The following GRID2 variants were observed in gnomAD, a reference collection of about 807,000 sequenced individuals.
GRID2 encodes glutamate ionotropic receptor delta type subunit 2, also known as glutamate receptor ionotropic, delta-2.
GRID2 carries 33 observed loss-of-function variants against 114.8 expected under a neutral mutation model. The ratio of observed to expected loss-of-function variants is 0.29; its 90% CI spans 0.22 to 0.38. The LOEUF (loss-of-function observed/expected upper bound fraction) is 0.38. Among genes scored for constraint, GRID2 ranks in the 10% least tolerant of loss-of-function variants. The pLI, the probability that GRID2 is intolerant of heterozygous loss-of-function variation, is 1.00. For synonymous variants in GRID2, 505 were observed against 449.9 expected (o/e 1.12, Z -1.55); for missense variants, 1,184 against 1,257.7 (o/e 0.94, Z 0.89).
chr4:93,375,676 T>A (rs1454574690), intron 8 of GRID2, among the ~76,000 whole-genome samples: 1 of 152,178 alleles, frequency 6.6e-6, no homozygotes, highest in African/African-American at 2.4e-5. Flanking sequence ...GAGTTACACC[T>A]TTTTGGAGGA....
intron 12 of GRID2, among the ~76,000 whole-genome samples, chr4:93,510,315 A>G (rs1303487182): frequency 1.3e-5 from 2 of 152,182 alleles, no homozygotes; most frequent in Admixed American, 6.5e-5. Context: ...TTTTAATCTT[A>G]GAAGACAAAG....
chr4:93,752,040 T>C (rs1019147027), intron 14 of GRID2, among the ~76,000 whole-genome samples: 22 of 152,090 alleles, frequency 1.4e-4, no homozygotes, highest in African/African-American at 4.8e-4. Context: ...TTTGGACTTA[T>C]ACATTGTTCA....
chr4:92,970,536 A>G (rs1438773770), intron 2 of GRID2, among the ~76,000 whole-genome samples: 1 of 152,032 alleles, frequency 6.6e-6, no homozygotes, highest in Admixed American at 6.6e-5. Context: ...TATTTGACCT[A>G]TGTAGCTAAA....
At chr4:93,267,916 TC>T (rs1751030558) in intron 8 of GRID2, among the ~76,000 whole-genome samples, 1 of 152,158 alleles carries the variant, frequency 6.6e-6, no homozygotes. Context: ...TCATTCCTGC[TC>T]CGTCTCTCTG....
chr4:93,427,546 C>A (rs1466652358), intron 10 of GRID2, among the ~76,000 whole-genome samples: 4 of 151,938 alleles, frequency 2.6e-5, no homozygotes, highest in African/African-American at 9.7e-5. Context: ...CACGTACCAT[C>A]ACATTAAAGA....
chr4:93,307,405 TTC>T (rs1233592681), intron 8 of GRID2, among the ~76,000 whole-genome samples: 1 of 152,100 alleles, frequency 6.6e-6, no homozygotes, highest in African/African-American at 2.4e-5. Flanking sequence ...CATTTTTTTT[TTC>T]CTTTCTTACC....
chr4:92,715,295 T>G (rs2149313170), intron 2 of GRID2, among the ~76,000 whole-genome samples: 1 of 152,292 alleles, frequency 6.6e-6, no homozygotes, highest in East Asian at 1.9e-4. Flanking sequence ...GATTTCATTG[T>G]CCATATCATT....
chr4:92,330,383 G>A (rs886889105), intron 1 of GRID2, among the ~76,000 whole-genome samples: 6 of 152,010 alleles, frequency 3.9e-5, no homozygotes, highest in Non-Finnish European at 8.8e-5. Context: ...TGGATGGCTG[G>A]TTTTAGTAGT....
intron 2 of GRID2, among the ~76,000 whole-genome samples, chr4:92,904,441 C>G (rs1408947200): frequency 6.6e-6 from 1 of 151,632 alleles, no homozygotes; most frequent in Non-Finnish European, 1.5e-5. Context: ...TATGAAACAT[C>G]CTTGTTTTCA....
In GRID2 at chr4:93,075,883, C is replaced by CTTT. The variant is rs10706922; in HGVS notation, c.245-9076_245-9074dup. On this transcript the variant is annotated intron_variant, in intron 2 of 15. Transcript: ENST00000282020. ...GTATTGGGATGTCGAAGTTACCTCT[C>CTTT]TTTTTTTTTTTTTTTTTTTTTTTTT... is the stretch of plus-strand genomic sequence containing the variant. Among the ~76,000 whole-genome samples, 32 of 76,602 alleles carry CTTT rather than the reference C, an allele frequency of 4.2e-4. 3 individuals carry two copies. The highest frequency in any genetic ancestry group is 7.5e-4 in the African/African-American group (14 of 18,770). 50.3% of individuals were successfully genotyped at this position (76,602 alleles called of 152,430 possible).
intron 2 of GRID2, among the ~76,000 whole-genome samples, chr4:92,798,477 A>C (rs1288335068): frequency 1.3e-5 from 2 of 152,044 alleles, no homozygotes; most frequent in Non-Finnish European, 2.9e-5. Context: ...GAATGTTTAC[A>C]AATTAAAGGG....
chr4:92,719,315 A>C (rs1735701128), intron 2 of GRID2, among the ~76,000 whole-genome samples: 1 of 152,166 alleles, frequency 6.6e-6, no homozygotes, highest in African/African-American at 2.4e-5. Flanking sequence ...AGGACTACTT[A>C]TGAAGTTATA....
intron 1 of GRID2, among the ~76,000 whole-genome samples, chr4:92,374,484 C>T (rs1729264520): frequency 6.6e-6 from 1 of 152,008 alleles, no homozygotes; most frequent in African/African-American, 2.4e-5. Context: ...TGTATAAAAC[C>T]AAGGTGCACC....
intron 1 of GRID2, among the ~76,000 whole-genome samples, chr4:92,565,719 G>T (rs902272249): frequency 6.6e-6 from 1 of 151,966 alleles, no homozygotes; most frequent in Admixed American, 6.6e-5. Flanking sequence ...AGAAAGGAAA[G>T]AAATTAACAA....
chr4:92,624,205 A>C (rs1730411200), intron 2 of GRID2, among the ~76,000 whole-genome samples: 1 of 151,842 alleles, frequency 6.6e-6, no homozygotes, highest in Non-Finnish European at 1.5e-5. Context: ...TAATTATCCA[A>C]AGTATACACA....
intron 1 of GRID2, among the ~76,000 whole-genome samples, chr4:92,329,760 A>T (rs1469038497): frequency 1.3e-5 from 2 of 152,032 alleles, no homozygotes; most frequent in African/African-American, 2.4e-5. Flanking sequence ...GAATGATGAC[A>T]TATGGAGGTC....
chr4:92,513,972 A>G (rs1440316824), intron 1 of GRID2, among the ~76,000 whole-genome samples: 1 of 151,928 alleles, frequency 6.6e-6, no homozygotes, highest in Non-Finnish European at 1.5e-5. Flanking sequence ...AGCTGATATC[A>G]AGGACCTAAG....
intron 2 of GRID2, among the ~76,000 whole-genome samples, chr4:92,754,683 T>G (rs1737624693): frequency 6.6e-6 from 1 of 152,154 alleles, no homozygotes; most frequent in African/African-American, 2.4e-5. Flanking sequence ...TAAATACCCT[T>G]CTTGAACCAG....
chr4:92,346,561 C>T (rs983603418), intron 1 of GRID2, among the ~76,000 whole-genome samples: 8 of 152,034 alleles, frequency 5.3e-5, no homozygotes, highest in Non-Finnish European at 1.2e-4. Flanking sequence ...GAAATGGAGC[C>T]TCACTGTGTT....
Sources: allele counts gnomAD v4.1 joint callset (sites outside exome capture counted in the v4.1 genomes callset), GRCh38; gene constraint gnomAD v4.1.1; transcripts MANE v1.5; gene names NCBI Gene and HGNC (gene_info 2026-07-23, HGNC 2026-07-21).